Variants in MACROH2A1 observed in about 807,000 individuals in gnomAD.
MACROH2A1 encodes the protein core histone macro-H2A.1.
A neutral mutation model predicts 31.6 loss-of-function variants in MACROH2A1; 2 were observed. The ratio of observed to expected loss-of-function variants is 0.06; its 90% CI spans 0.03 to 0.20. The LOEUF (loss-of-function observed/expected upper bound fraction) is 0.20, where lower values mean the gene tolerates loss of function less well. MACROH2A1 is among the 10% of genes least tolerant of loss of function. MACROH2A1 has a pLI of 1.00. For missense variants in MACROH2A1, 230 were observed against 474.0 expected, an observed-to-expected ratio of 0.49 and a Z score of 4.78; for synonymous variants, 169 against 189.6, an observed-to-expected ratio of 0.89 and a Z score of 0.89.
At chr5:135,362,431 C>T (rs1762953582) in intron 4 of MACROH2A1, 1 of 152,210 alleles carries the variant, frequency 6.6e-6, no homozygotes, top group African/African-American at 2.4e-5. Flanking sequence ...GTATTGTTGG[C>T]ATATATCAAA....
intron 8 of MACROH2A1, among the ~76,000 whole-genome samples, chr5:135,335,885 G>A (rs2149692290): frequency 6.6e-6 from 1 of 152,326 alleles, no homozygotes; most frequent in East Asian, 1.9e-4. Context: ...CATGTGGGTA[G>A]CCCAGGGGAC....
chr5:135,360,387 C>A, intron 5 of MACROH2A1, 110 bp downstream of exon 5: 1 of 733,780 alleles, frequency 1.4e-6, no homozygotes, highest in South Asian at 1.6e-5. Flanking sequence ...TCTGTCTACC[C>A]ACGAGGCTGG....
In MACROH2A1 at chr5:135,343,430, A is replaced by T. The variant is rs749829263; in HGVS notation, c.783T>A (p.Ala261=). ...CAGGCAGGCCATGGCCTGCGCTGAC[A>T]GCAGCTAGTGGTGCGGGGATGAAAC... ...KNGPLEVAGA[A]VSAGHGLPAK... The change falls in exon 8 of 9, where the codon GCT becomes GCA. Residue 261 remains alanine, a synonymous_variant. Coordinates refer to ENST00000511689, the MANE Select transcript of MACROH2A1 (RefSeq NM_138610.3). 6.2e-7 allele frequency: 1 copy of T among 1,614,032 alleles called. No individual in the cohort carries two copies.
intron 6 of MACROH2A1, chr5:135,350,849 GTGTT>G: frequency 1.2e-6 from 2 of 1,612,788 alleles, no homozygotes; most frequent in Non-Finnish European, 1.7e-6. Context: ...GTAGAAGTCA[GTGTT>G]TGTCGGGTGA....
In MACROH2A1 at chr5:135,369,628, A is replaced by G. The variant is rs752301618; in HGVS notation, c.280-25T>C. ...GCTTTCAGGAAAACCAGAATAGCAG[A>G]TAGTGAGCCAGATACCCTGCTTCTA... On this transcript the variant is annotated intron_variant, in intron 3 of 8. Transcript: ENST00000511689. The surrounding 1 kb of genome is among the most constrained non-coding windows in gnomAD (Gnocchi z 4.3). The G allele has an allele frequency of 1.3e-6, 2 of 1,579,394 alleles. No individual in the cohort carries two copies. Among genetic ancestry groups the G allele is most frequent in the South Asian group, 1.1e-5 (1 of 90,344 alleles).
chr5:135,379,176 C>T (rs144538954), intron 2 of MACROH2A1, among the ~76,000 whole-genome samples: 4 of 152,168 alleles, frequency 2.6e-5, no homozygotes, highest in Non-Finnish European at 4.4e-5. Context: ...CTGCAGGGAA[C>T]GCGCCTTCTA....
chr5:135,389,798 C>A (rs533360178), intron 1 of MACROH2A1, among the ~76,000 whole-genome samples: 2 of 152,348 alleles, frequency 1.3e-5, no homozygotes, highest in South Asian at 4.1e-4. Context: ...TCTCCACCTC[C>A]AGTGATGGGA....
chr5:135,386,003 G>A (rs1766354574), intron 2 of MACROH2A1, among the ~76,000 whole-genome samples: 3 of 152,212 alleles, frequency 2.0e-5, no homozygotes, highest in Admixed American at 2.0e-4. Flanking sequence ...CAAAAGTGAA[G>A]AGGAGAGCAG....
intron 5 of MACROH2A1, chr5:135,359,729 G>A (rs891360722): frequency 1.2e-5 from 12 of 966,904 alleles, no homozygotes; most frequent in African/African-American, 3.5e-5. Context: ...AACTTGGAAC[G>A]TCAAATTCAT....
chr5:135,361,472 A>C, intron 4 of MACROH2A1: 1 of 152,222 alleles, frequency 6.6e-6, no homozygotes, highest in East Asian at 1.9e-4. Flanking sequence ...TTAAGGACAA[A>C]GCCTGTATTA....
chr5:135,376,694 C>T (rs1764920340), intron 2 of MACROH2A1, among the ~76,000 whole-genome samples: 1 of 152,194 alleles, frequency 6.6e-6, no homozygotes, highest in South Asian at 2.1e-4. Flanking sequence ...GCATCTAAGC[C>T]TCAGTTTCCT....
chr5:135,341,051 C>T (rs925959948), intron 8 of MACROH2A1, among the ~76,000 whole-genome samples: 1 of 152,224 alleles, frequency 6.6e-6, no homozygotes, highest in African/African-American at 2.4e-5. Flanking sequence ...TTAAAAATTT[C>T]CCAATACCCA....
intron 5 of MACROH2A1, 89 bp downstream of exon 5, chr5:135,360,408 C>G: frequency 1.1e-6 from 1 of 885,448 alleles, no homozygotes. Context: ...GAGTGGCCCC[C>G]GGGATCCCCC....
At chr5:135,338,894 C>A (rs1052773997) in intron 8 of MACROH2A1, among the ~76,000 whole-genome samples, 1 of 152,200 alleles carries the variant, frequency 6.6e-6, no homozygotes, top group African/African-American at 2.4e-5. Flanking sequence ...GTTAACCTCT[C>A]TAAGCATTAA....
intron 7 of MACROH2A1, chr5:135,345,497 C>A: frequency 6.3e-6 from 1 of 159,606 alleles, no homozygotes; most frequent in Non-Finnish European, 1.4e-5. Flanking sequence ...CAGGTCTTAG[C>A]AATAATTCTC....
chr5:135,394,616 AC>A (rs1285115694), intron 1 of MACROH2A1, among the ~76,000 whole-genome samples: 4 of 152,024 alleles, frequency 2.6e-5, no homozygotes, highest in Non-Finnish European at 5.9e-5. Flanking sequence ...TATATACAGT[AC>A]TCTGCAAATG....
At chr5:135,370,214 C>A in intron 2 of MACROH2A1, 72 bp from the exon 3 acceptor site, 2 of 928,740 alleles carry the variant, frequency 2.2e-6, no homozygotes, top group South Asian at 1.5e-5. Context: ...CCCACATTCA[C>A]AGTGCCAGGA....
chr5:135,346,501 C>T (rs1274006113), intron 6 of MACROH2A1: 1 of 171,606 alleles, frequency 5.8e-6, no homozygotes, highest in Non-Finnish European at 1.3e-5. Context: ...TACAATGCTC[C>T]CATCAATAAG....
intron 2 of MACROH2A1, among the ~76,000 whole-genome samples, chr5:135,384,236 T>A (rs1326138504): frequency 6.6e-6 from 1 of 152,154 alleles, no homozygotes; most frequent in Non-Finnish European, 1.5e-5. Flanking sequence ...TTCTAGGAGA[T>A]GGAGGCAGGG....
Sources: gnomAD v4.1 joint callset for allele counts (sites outside exome capture counted in the v4.1 genomes callset) on GRCh38, gnomAD v4.1.1 for gene constraint, Gnocchi (gnomAD v3.1) non-coding constraint, MANE v1.5 for transcripts, NCBI Gene and HGNC (gene_info 2026-07-23, HGNC 2026-07-21) for gene names.